RSPO2: variants seen among roughly 807,000 people sequenced by gnomAD.
RSPO2 encodes R-spondin-2.
In RSPO2, 14 loss-of-function variants were observed where a neutral mutation model predicts 30.9. That is an observed-to-expected ratio of 0.45 (90% CI 0.30 to 0.71). The LOEUF (loss-of-function observed/expected upper bound fraction) is 0.71. RSPO2 is among the 30% of genes least tolerant of loss of function. The pLI is 0.08. For missense variants in RSPO2, 264 were observed against 301.9 expected (o/e 0.87, Z 0.93); for synonymous variants, 107 against 96.4 (o/e 1.11, Z -0.64).
chr8:108,070,385 C>T (rs573810639), intron 2 of RSPO2, among the ~76,000 whole-genome samples: 22 of 150,504 alleles, frequency 1.5e-4, no homozygotes, highest in African/African-American at 4.7e-4. Flanking sequence ...CTCCGCTTCC[C>T]GGGTTCACGC....
intron 2 of RSPO2, among the ~76,000 whole-genome samples, chr8:108,040,715 G>A (rs1294424897): frequency 1.3e-5 from 2 of 152,134 alleles, no homozygotes; most frequent in African/African-American, 4.8e-5. Context: ...AAATACAGAG[G>A]AAAATTAGTT....
At chr8:108,038,701 A>G (rs538940330) in intron 2 of RSPO2, among the ~76,000 whole-genome samples, 2 of 151,628 alleles carry the variant, frequency 1.3e-5, no homozygotes, top group African/African-American at 4.8e-5. Context: ...TCAAAGCAAG[A>G]CCCTCTACCA....
At chr8:107,958,387 C>G in intron 4 of RSPO2, 119 bp from the exon 5 acceptor site, 1 of 740,662 alleles carries the variant, frequency 1.4e-6, no homozygotes, top group South Asian at 1.8e-5. Flanking sequence ...CTTCAGATAC[C>G]AAAAATTAAG....
At chr8:108,041,203 C>CAAAAAAAAAAAAAAAAAAA (rs55937336) in intron 2 of RSPO2, among the ~76,000 whole-genome samples, 6 of 100,386 alleles carry the variant, frequency 6.0e-5, no homozygotes, top group Admixed American at 2.2e-4. Context: ...CAAAAAGTGG[C>CAAAAAAAAAAAAAAAAAAA]AAAAAAAAAA....
chr8:108,043,964 T>C (rs1811834227), intron 2 of RSPO2, among the ~76,000 whole-genome samples: 1 of 152,136 alleles, frequency 6.6e-6, no homozygotes, highest in Admixed American at 6.5e-5. Flanking sequence ...AGCAATGTTT[T>C]TACTGGCTTA....
rs954273862 is a variant in RSPO2, at chr8:107,900,371, C to G, written c.*704G>C. 1.3e-5 allele frequency: 2 copies of G among 151,956 alleles called. No individual in the cohort carries two copies. Among genetic ancestry groups the G allele is most frequent in the Non-Finnish European group, 2.9e-5 (2 of 67,906 alleles). The allele number at this position is 151,956 out of a possible 1,614,324, so 9.4% of individuals were successfully genotyped here. The stretch of plus-strand genomic sequence containing the variant: ...AAAAAAGTTTCAAGAGGCAACAAAA[C>G]AAGTGTCAATTCCCCAAACTAGAAA... On this transcript the variant is annotated 3_prime_UTR_variant, in exon 6 of 6. Transcript: ENST00000276659.
chr8:107,976,875 A>G (rs1197715697), intron 3 of RSPO2, among the ~76,000 whole-genome samples: 1 of 152,248 alleles, frequency 6.6e-6, no homozygotes, highest in African/African-American at 2.4e-5. Context: ...GTTCAATCAG[A>G]ACTTTATCAA....
At chr8:108,082,895 GAA>G (rs1813255515) in intron 1 of RSPO2, 88 bp from the exon 2 acceptor site, 1 of 476,216 alleles carries the variant, frequency 2.1e-6, no homozygotes, top group Non-Finnish European at 3.7e-6. Context: ...CCAATTTAAA[GAA>G]GAGAGGGAAG....
chr8:107,922,021 T>C (rs1035322458), intron 5 of RSPO2, among the ~76,000 whole-genome samples: 19 of 152,138 alleles, frequency 1.2e-4, no homozygotes, highest in Non-Finnish European at 1.5e-4. Flanking sequence ...GCTGGAAGCA[T>C]TCCCCCTGAA....
At chr8:108,009,970 G>C (rs1221877115) in intron 2 of RSPO2, among the ~76,000 whole-genome samples, 1 of 152,002 alleles carries the variant, frequency 6.6e-6, no homozygotes, top group African/African-American at 2.4e-5. Flanking sequence ...GATCACTTGA[G>C]CTTGGGAGGC....
At chr8:108,064,247 T>G (rs1204166105) in intron 2 of RSPO2, among the ~76,000 whole-genome samples, 1 of 152,036 alleles carries the variant, frequency 6.6e-6, no homozygotes, top group Non-Finnish European at 1.5e-5. Flanking sequence ...ACAGGCAACC[T>G]ACAGAATGGG....
chr8:108,026,146 C>A (rs988159487), intron 2 of RSPO2, among the ~76,000 whole-genome samples: 7 of 152,126 alleles, frequency 4.6e-5, no homozygotes, highest in African/African-American at 1.7e-4. Flanking sequence ...AAACACAGAA[C>A]TTCAATCAAA....
At chr8:107,940,677 T>G (rs577572707) in intron 5 of RSPO2, among the ~76,000 whole-genome samples, 1 of 152,144 alleles carries the variant, frequency 6.6e-6, no homozygotes, top group South Asian at 2.1e-4. Flanking sequence ...GCAAGCAATG[T>G]AGATTCAAGT....
At chr8:108,063,719 A>C (rs1450912634) in intron 2 of RSPO2, among the ~76,000 whole-genome samples, 1 of 151,970 alleles carries the variant, frequency 6.6e-6, no homozygotes, top group Non-Finnish European at 1.5e-5. Flanking sequence ...CCGCATTGCC[A>C]AGTCAATCCT....
At chr8:108,044,595 C>T (rs935185184) in intron 2 of RSPO2, among the ~76,000 whole-genome samples, 8 of 151,946 alleles carry the variant, frequency 5.3e-5, no homozygotes, top group Non-Finnish European at 1.0e-4. Context: ...ACCATATTTT[C>T]TTTATTCAAT....
chr8:107,927,384 T>C (rs934052195), intron 5 of RSPO2, among the ~76,000 whole-genome samples: 4 of 152,108 alleles, frequency 2.6e-5, no homozygotes, highest in Non-Finnish European at 5.9e-5. Flanking sequence ...TGAATACCCT[T>C]TATTTCTTTC....
intron 2 of RSPO2, among the ~76,000 whole-genome samples, chr8:108,034,669 GAAT>G (rs1158266978): frequency 6.6e-6 from 1 of 152,136 alleles, no homozygotes; most frequent in Non-Finnish European, 1.5e-5. Context: ...TTAAGACTCA[GAAT>G]AACAATTACA....
chr8:108,078,258 C>T (rs1813074115), intron 2 of RSPO2, among the ~76,000 whole-genome samples: 1 of 152,174 alleles, frequency 6.6e-6, no homozygotes, highest in Non-Finnish European at 1.5e-5. Context: ...TTTCTGACCT[C>T]TCTGTACTGG....
chr8:107,930,361 T>C (rs1482757447), intron 5 of RSPO2, among the ~76,000 whole-genome samples: 6 of 152,166 alleles, frequency 3.9e-5, no homozygotes, highest in Non-Finnish European at 7.3e-5. Flanking sequence ...AAATGGAATA[T>C]AGGGAACTAG....
Sources: allele counts gnomAD v4.1 joint callset (sites outside exome capture counted in the v4.1 genomes callset), GRCh38; gene constraint gnomAD v4.1.1; transcripts MANE v1.5; gene names NCBI Gene and HGNC (gene_info 2026-07-23, HGNC 2026-07-21).